Variants in NUDT5 observed in about 807,000 individuals in gnomAD.
NUDT5 encodes nudix hydrolase 5, also known as ADP-sugar pyrophosphatase.
NUDT5 carries 21 observed loss-of-function variants against 34.1 expected under a neutral mutation model. The observed-to-expected ratio is 0.62, with a 90% confidence interval of 0.44 to 0.89. The LOEUF (loss-of-function observed/expected upper bound fraction) is 0.89, where lower values mean the gene tolerates loss of function less well. NUDT5 is among the 40% of genes least tolerant of loss of function. The pLI is 0.00. For missense variants in NUDT5, 249 were observed against 274.8 expected, an observed-to-expected ratio of 0.91 and a Z score of 0.66; for synonymous variants, 85 against 97.6, an observed-to-expected ratio of 0.87 and a Z score of 0.76.
chr10:12,194,872 G>C (rs1455951456), intron 1 of NUDT5, among the ~76,000 whole-genome samples: 1 of 136,598 alleles, frequency 7.3e-6, no homozygotes, highest in Non-Finnish European at 1.5e-5. Context: ...AAAAGCGGCT[G>C]GTTGGTAGGC....
chr10:12,179,050 TTC>T, intron 4 of NUDT5, 31 bp downstream of exon 4: 1 of 1,593,288 alleles, frequency 6.3e-7, no homozygotes, highest in Admixed American at 1.7e-5. Flanking sequence ...CTAACTTCCT[TTC>T]TAAAGGGTTG....
intron 1 of NUDT5, among the ~76,000 whole-genome samples, chr10:12,191,592 A>G (rs1420560871): frequency 6.6e-6 from 1 of 152,192 alleles, no homozygotes; most frequent in Non-Finnish European, 1.5e-5. Context: ...GATATGAGGT[A>G]GTTTTGGGGG....
At chr10:12,172,261 C>T (rs10906094) in intron 7 of NUDT5, among the ~76,000 whole-genome samples, 15 of 151,708 alleles carry the variant, frequency 9.9e-5, no homozygotes, top group Admixed American at 6.6e-4. Context: ...ATCTGCTGCC[C>T]GTTAACAATT....
rs762347910 is a variant in NUDT5, at chr10:12,172,780, G to A, written c.472C>T (p.Pro158Ser). 5 of 1,613,914 alleles carry A rather than the reference G, an allele frequency of 3.1e-6. No homozygotes were observed. The highest frequency in any genetic ancestry group is 4.2e-6 in the Non-Finnish European group (5 of 1,179,798). ...ACACACATACCTGGCTTTGGCTTCG[G>A]CCTTGCGTTTTCGGCATCATCTCCG... The part of the protein sequence containing the change: ...INGDDAENAR[P>S]KPKPGDGEFV... The change falls in exon 7 of 10, where the codon CCG (proline) becomes TCG (serine). Residue 158 changes from proline (P) to serine (S), a missense_variant. Pro to Ser is a moderately conservative substitution (Grantham distance 74). Transcript: ENST00000491614.
intron 1 of NUDT5, among the ~76,000 whole-genome samples, chr10:12,190,607 T>C (rs913337182): frequency 9.5e-5 from 11 of 115,456 alleles, no homozygotes; most frequent in African/African-American, 4.4e-4. Flanking sequence ...TGATAAAGCC[T>C]TTTTTTTTTT....
Position 12,170,623 on chromosome 10 carries a change from A to AGATAAAGAAATGG in NUDT5, c.550+81_550+93dup. The AGATAAAGAAATGG allele has an allele frequency of 1.7e-6, 2 of 1,181,104 alleles. No individual in the cohort carries two copies. The highest frequency in any genetic ancestry group is 3.5e-5 in the Admixed American group (2 of 56,806). The allele number at this position is 1,181,104 out of a possible 1,614,324, so 73.2% of individuals were successfully genotyped here. A position where few individuals can be genotyped will look rare whatever the true frequency, so the allele number is the denominator to read the frequency against. The stretch of plus-strand genomic sequence containing the variant: ...GCATTTGACTTTAGTGATACAAAAA[A>AGATAAAGAAATGG]GATAAAGAAATGGAGTTATATTTAG... On this transcript the variant is annotated intron_variant, in intron 9 of 9. Transcript: ENST00000491614. The surrounding 1 kb of genome is among the most constrained non-coding windows in gnomAD (Gnocchi z 4.9).
Position 12,169,225 on chromosome 10 carries a change from T to G in NUDT5, c.551-1414A>C. 1.4e-6 allele frequency: 2 copies of G among 1,447,470 alleles called. No individual in the cohort carries two copies. The highest frequency in any genetic ancestry group is 9.5e-7 in the Non-Finnish European group (1 of 1,054,576). 89.7% of individuals were successfully genotyped at this position (1,447,470 alleles called of 1,614,324 possible). ...ATAGTAGCCCTCTCTCCACCTCCCCTCACTTATTCTATTTTTTTCTCCCTT... is the reference window on the plus strand; with the variant it reads ...ATAGTAGCCCTCTCTCCACCTCCCCGCACTTATTCTATTTTTTTCTCCCTT... On this transcript the variant is annotated intron_variant, in intron 9 of 9. Transcript: ENST00000491614. The surrounding 1 kb of genome is among the most constrained non-coding windows in gnomAD (Gnocchi z 4.8).
chr10:12,173,712 A>G lies in NUDT5; in HGVS notation c.385+6T>C, dbSNP rs1834899222. 6.2e-7 allele frequency: 1 copy of G among 1,609,118 alleles called. No homozygotes were observed. Among genetic ancestry groups the G allele is most frequent in the Non-Finnish European group, 8.5e-7 (1 of 1,175,522 alleles). On this transcript the variant is annotated splice_donor_region_variant and intron_variant, in intron 6 of 9. Coordinates refer to ENST00000491614, the MANE Select transcript of NUDT5 (RefSeq NM_014142.4). This position sits in a 1 kb window ranked among gnomAD's most constrained non-coding sequence, Gnocchi z 4.7. ...ATCACTTGGTGAATTTTCAAGCAAT[A>G]CCAACCTGGAGAACATTCGGCAATG...
chr10:12,186,502 C>CG (rs1564426769), intron 1 of NUDT5, among the ~76,000 whole-genome samples, 170 bp from the exon 2 acceptor site: 1 of 152,162 alleles, frequency 6.6e-6, no homozygotes, highest in Non-Finnish European at 1.5e-5. Context: ...CAGGGAGGCC[C>CG]GGGGATTAGC....
At chr10:12,194,155 A>T (rs1332061714) in intron 1 of NUDT5, among the ~76,000 whole-genome samples, 5 of 152,240 alleles carry the variant, frequency 3.3e-5, no homozygotes, top group African/African-American at 1.2e-4. Flanking sequence ...GATCACAGGC[A>T]TGAGGCACCG....
chr10:12,185,496 G>A (rs1027943704), intron 2 of NUDT5, among the ~76,000 whole-genome samples: 1 of 152,216 alleles, frequency 6.6e-6, no homozygotes, highest in Non-Finnish European at 1.5e-5. Flanking sequence ...CCCCAGGTTC[G>A]TTCTGCCTAG....
intron 1 of NUDT5, 132 bp from the exon 2 acceptor site, chr10:12,186,464 AG>A: frequency 1.6e-6 from 1 of 606,688 alleles, no homozygotes; most frequent in East Asian, 2.8e-5. Context: ...TCAGTATGTG[AG>A]GGAACTGCCG....
chr10:12,176,312 A>G (rs1294170434), intron 5 of NUDT5, among the ~76,000 whole-genome samples: 1 of 152,184 alleles, frequency 6.6e-6, no homozygotes, highest in African/African-American at 2.4e-5. Context: ...CTTTTAAAAT[A>G]TAAAACTTTG....
chr10:12,171,872 G>A lies in NUDT5; in HGVS notation c.487+893C>T, dbSNP rs922062319. ...CCCGAGTAGCTGGGATTACAGGTGC[G>A]CACCACCATGCCTGGCTAATTTTTG... On this transcript the variant is annotated intron_variant, in intron 7 of 9. Transcript: ENST00000491614. This position sits in a 1 kb window ranked among gnomAD's most constrained non-coding sequence, Gnocchi z 4.2. Among the ~76,000 whole-genome samples the A allele has an allele frequency of 2.0e-5, 3 of 151,754 alleles. No homozygotes were observed. The highest frequency in any genetic ancestry group is 2.9e-5 in the Non-Finnish European group (2 of 67,908).
chr10:12,165,492 C>G lies in NUDT5; in HGVS notation c.*2210G>C, dbSNP rs1834648672. On this transcript the variant is annotated 3_prime_UTR_variant, in exon 10 of 10. Coordinates refer to ENST00000491614, the MANE Select transcript of NUDT5 (RefSeq NM_014142.4). ...CCTGTAAAAGTCAAATGTAATTACA[C>G]TTCAAACTTTAATCCTAAATTATTG... is the stretch of plus-strand genomic sequence containing the variant. The G allele has an allele frequency of 2.6e-6, 1 of 388,110 alleles. No homozygotes were observed. Among genetic ancestry groups the G allele is most frequent in the Non-Finnish European group, 3.5e-6 (1 of 284,420 alleles). The allele number at this position is 388,110 out of a possible 1,614,324, so 24.0% of individuals were successfully genotyped here.
In NUDT5 at chr10:12,165,388, TAAAGA is replaced by T; in HGVS notation, c.*2309_*2313del. On this transcript the variant is annotated 3_prime_UTR_variant, in exon 10 of 10. Transcript: ENST00000491614. ...ACTGATTCAGTTGTGTTGGAAAAAA[TAAAGA>T]AATCTGATATTAAACGTTTTCTAAG... The T allele has an allele frequency of 2.1e-6, 2 of 962,854 alleles. No homozygotes were observed. The highest frequency in any genetic ancestry group is 2.5e-6 in the Non-Finnish European group (2 of 809,534). The allele number at this position is 962,854 out of a possible 1,614,324, so 59.6% of individuals were successfully genotyped here.
chr10:12,185,095 GT>G, intron 2 of NUDT5, 139 bp from the exon 3 acceptor site: 2 of 536,156 alleles, frequency 3.7e-6, no homozygotes, highest in Non-Finnish European at 3.3e-6. Context: ...CTGTGGGCAC[GT>G]TTTTCAGTTC....
At position 12,173,748 on chromosome 10, in the gene NUDT5, A is replaced by G. The variant is rs1206487445; in HGVS notation, c.355T>C (p.Tyr119His). 1 of 1,613,994 alleles carries G rather than the reference A, an allele frequency of 6.2e-7. No homozygotes were observed. Among genetic ancestry groups the G allele is most frequent in the African/African-American group, 1.3e-5 (1 of 75,056 alleles). The part of the protein sequence containing the change: ...ALRELEEETG[Y>H]KGDIAECSPA... ...GAACATTCGGCAATGTCCCCTTTGTAGCCAGTTTCTTCTTCAAGCTCCCGG... is the reference window on the plus strand; with the variant it reads ...GAACATTCGGCAATGTCCCCTTTGTGGCCAGTTTCTTCTTCAAGCTCCCGG... The change falls in exon 6 of 10, where the codon TAC becomes CAC. Residue 119 changes from tyrosine to histidine, a missense_variant. Physicochemically the swap from Tyr to His is moderately conservative, Grantham distance 83. Coordinates refer to ENST00000491614, the MANE Select transcript of NUDT5 (RefSeq NM_014142.4). This position sits in a 1 kb window ranked among gnomAD's most constrained non-coding sequence, Gnocchi z 4.7.
chr10:12,170,144 G>A lies in NUDT5; in HGVS notation c.550+573C>T, dbSNP rs1834824136. 1.9e-6 allele frequency: 3 copies of A among 1,612,394 alleles called. No individual in the cohort carries two copies. The highest frequency in any genetic ancestry group is 1.7e-5 in the Admixed American group (1 of 59,970). On this transcript the variant is annotated intron_variant, in intron 9 of 9. Coordinates refer to ENST00000491614, the MANE Select transcript of NUDT5 (RefSeq NM_014142.4). The surrounding 1 kb of genome is among the most constrained non-coding windows in gnomAD (Gnocchi z 4.9). Reference sequence around the variant, plus strand: ...GGACTTTTCTCCCCATAAGCTTACTGTTTACAAAGTCTCTAAAAGATGGGT... The same window carrying A: ...GGACTTTTCTCCCCATAAGCTTACTATTTACAAAGTCTCTAAAAGATGGGT...
Sources: allele counts gnomAD v4.1 joint callset (sites outside exome capture counted in the v4.1 genomes callset), GRCh38; gene constraint gnomAD v4.1.1; non-coding constraint Gnocchi (gnomAD v3.1); transcripts MANE v1.5; gene names NCBI Gene and HGNC (gene_info 2026-07-23, HGNC 2026-07-21).